Variants in SUN1 observed in about 807,000 individuals in gnomAD.
SUN1 encodes the protein SUN domain-containing protein 1.
A neutral mutation model predicts 103.2 loss-of-function variants in SUN1; 61 were observed. That is an observed-to-expected ratio of 0.59 (90% CI 0.48 to 0.73). The LOEUF is 0.73. SUN1 is among the 30% of genes least tolerant of loss of function. SUN1 has a pLI of 0.00. For synonymous variants in SUN1, 490 were observed against 425.7 expected, an observed-to-expected ratio of 1.15 and a Z score of -1.86; for missense variants, 1,052 against 1,034.6, an observed-to-expected ratio of 1.02 and a Z score of -0.23.
chr7:858,697 C>A (rs562339178), intron 13 of SUN1, among the ~76,000 whole-genome samples: 1 of 152,312 alleles, frequency 6.6e-6, no homozygotes, highest in South Asian at 2.1e-4. Context: ...AAAATCTAGA[C>A]ATTTAGAGCT....
At chr7:859,646 C>T (rs768997494) in intron 13 of SUN1, among the ~76,000 whole-genome samples, 1 of 152,136 alleles carries the variant, frequency 6.6e-6, no homozygotes, top group African/African-American at 2.4e-5. Context: ...TCTGTTGTTA[C>T]GAAGCAAGAA....
rs376786355 is a variant in SUN1, at chr7:852,545, A to G, written c.852-64A>G. ...TTGCACAAAATTATCTAGAGGGGGA[A>G]AACAGATTGGTGAACCCTGACTTTC... On this transcript the variant is annotated intron_variant, in intron 7 of 18. Transcript: ENST00000401592. 6 of 1,603,036 alleles carry G rather than the reference A, an allele frequency of 3.7e-6. No individual in the cohort carries two copies. In the African/African-American group the frequency reaches 6.7e-5, roughly 18 times the overall value.
chr7:820,593 A>T (rs778614687), intron 1 of SUN1, among the ~76,000 whole-genome samples: 1 of 152,196 alleles, frequency 6.6e-6, no homozygotes, highest in Non-Finnish European at 1.5e-5. Flanking sequence ...AACTTCCAGT[A>T]TAGTGTTGAA....
At chr7:849,717 C>A in intron 5 of SUN1, 2 of 1,234,716 alleles carry the variant, frequency 1.6e-6, no homozygotes, top group Non-Finnish European at 2.4e-6. Context: ...GTGGTCCTCA[C>A]TGATGACGAC....
At chr7:867,686 GT>G (rs1838114894) in intron 16 of SUN1, among the ~76,000 whole-genome samples, 3 of 152,350 alleles carry the variant, frequency 2.0e-5, no homozygotes, top group Non-Finnish European at 2.9e-5. Context: ...CTGAGAAACT[GT>G]CGGCTCCTGG....
At chr7:842,240 T>A in intron 3 of SUN1, 110 bp downstream of exon 3, 1 of 1,206,676 alleles carries the variant, frequency 8.3e-7, no homozygotes, top group Non-Finnish European at 1.1e-6. Context: ...TGGATTATGC[T>A]AGGGAGAGGG....
chr7:831,933 C>A, upstream of SUN1: 1 of 565,316 alleles, frequency 1.8e-6, no homozygotes, highest in African/African-American at 2.0e-5. Flanking sequence ...ATATACTCAA[C>A]ACTTTCTAAC....
Position 842,081 on chromosome 7 carries a change from A to G in SUN1, c.402A>G (p.Val134=). Residue 134 remains valine, a synonymous_variant, in exon 3 of 19, where the codon GTA becomes GTG. Transcript: ENST00000401592. The stretch of plus-strand genomic sequence containing the variant: ...ATGCTGTGACTCGACGGCCTCCTGT[A>G]TTGGACGAGTCTTGGATTCGTGAAC... ...LQDAVTRRPP[V]LDESWIREQT... is the part of the protein sequence containing the mutation. 10 of 1,614,190 alleles carry G rather than the reference A, an allele frequency of 6.2e-6. No individual in the cohort carries two copies. Among genetic ancestry groups the G allele is most frequent in the Non-Finnish European group, 8.5e-6 (10 of 1,180,046 alleles).
chr7:848,605 T>C lies in SUN1; in HGVS notation c.659-2779T>C, dbSNP rs1010279797. On this transcript the variant is annotated intron_variant, in intron 5 of 18. Transcript: ENST00000401592. The stretch of plus-strand genomic sequence containing the variant: ...CCGAAAGCTATAAGTCAAAAAGCCA[T>C]GAATCAAAAGGTATTTAAATATTTT... 6 of 1,337,352 alleles carry C rather than the reference T, an allele frequency of 4.5e-6. No homozygotes were observed. In the African/African-American group the frequency reaches 6.1e-5, roughly 14 times the overall value. The allele number at this position is 1,337,352 out of a possible 1,614,324, so 82.8% of individuals were successfully genotyped here. A position where few individuals can be genotyped will look rare whatever the true frequency, so the allele number is the denominator to read the frequency against.
chr7:839,852 C>T (rs1339164272), intron 2 of SUN1, among the ~76,000 whole-genome samples: 2 of 152,204 alleles, frequency 1.3e-5, no homozygotes, highest in African/African-American at 4.8e-5. Context: ...CTGCGCCCGG[C>T]CCAGTTCATT....
chr7:843,413 CCTG>C lies in SUN1; in HGVS notation c.553_555del (p.Cys185del). 1 of 1,613,818 alleles carries C rather than the reference CCTG, an allele frequency of 6.2e-7. No homozygotes were observed. The highest frequency in any genetic ancestry group is 1.1e-5 in the South Asian group (1 of 91,036). ...GCCGCCACCGCGCACAACGGCTTCT[CCTG>C]CAGCAACTGCAGCATGCTGTCCGAG... is the stretch of plus-strand genomic sequence containing the variant. On this transcript the variant is annotated inframe_deletion, in exon 5 of 19. Transcript: ENST00000401592.
intron 1 of SUN1, among the ~76,000 whole-genome samples, chr7:837,001 C>T (rs745921267): frequency 1.4e-4 from 22 of 152,184 alleles, no homozygotes; most frequent in South Asian, 2.1e-4. Context: ...ACATGGCCCC[C>T]GACGCATGGA....
At chr7:869,790 G>A (rs569983262) in intron 17 of SUN1, among the ~76,000 whole-genome samples, 1 of 152,184 alleles carries the variant, frequency 6.6e-6, no homozygotes, top group Non-Finnish European at 1.5e-5. Context: ...CAAGTTGCCT[G>A]TGAAAGGTGT....
At chr7:840,916 C>G (rs1385914497) in intron 2 of SUN1, among the ~76,000 whole-genome samples, 3 of 152,080 alleles carry the variant, frequency 2.0e-5, no homozygotes, top group Admixed American at 1.3e-4. Flanking sequence ...GCTGGGATTA[C>G]AGGCATGAGC....
In SUN1 at chr7:873,385, C is replaced by A; in HGVS notation, c.*54C>A. The A allele has an allele frequency of 6.9e-7, 1 of 1,458,666 alleles. No individual in the cohort carries two copies. The highest frequency in any genetic ancestry group is 9.6e-7 in the Non-Finnish European group (1 of 1,040,158). The allele number at this position is 1,458,666 out of a possible 1,614,324, so 90.4% of individuals were successfully genotyped here. ...TTGTATATACTGGGACAGCGTGAAA[C>A]ACTGGAATCCTTCATGGACGAGGGC... On this transcript the variant is annotated 3_prime_UTR_variant, in exon 19 of 19. Coordinates refer to ENST00000401592, the MANE Select transcript of SUN1 (RefSeq NM_001130965.3).
chr7:842,455 GT>G, intron 3 of SUN1: 1 of 284,232 alleles, frequency 3.5e-6, no homozygotes, highest in South Asian at 7.0e-5. Flanking sequence ...TTATAACTCT[GT>G]TTTTATAAAT....
chr7:824,872 G>A (rs944617516), intron 1 of SUN1, among the ~76,000 whole-genome samples: 3 of 152,084 alleles, frequency 2.0e-5, no homozygotes, highest in South Asian at 4.1e-4. Flanking sequence ...GGGTGGGGGC[G>A]TCCGCTGGCT....
intron 1 of SUN1, among the ~76,000 whole-genome samples, chr7:826,328 C>T (rs1250579059): frequency 1.3e-4 from 4 of 30,362 alleles, no homozygotes; most frequent in African/African-American, 4.4e-4. Flanking sequence ...TAAGGATGAG[C>T]GAAGATGAGG....
intron 16 of SUN1, 124 bp downstream of exon 16, chr7:866,191 CA>C: frequency 1.3e-6 from 1 of 793,100 alleles, no homozygotes; most frequent in Non-Finnish European, 2.1e-6. Flanking sequence ...ACTGGTACCA[CA>C]AGAAGTGGCA....
Sources: gnomAD v4.1 joint callset for allele counts (sites outside exome capture counted in the v4.1 genomes callset) on GRCh38, gnomAD v4.1.1 for gene constraint, MANE v1.5 for transcripts, NCBI Gene and HGNC (gene_info 2026-07-23, HGNC 2026-07-21) for gene names.